The following PDE4D variants were observed in gnomAD, a reference collection of about 807,000 sequenced individuals.
PDE4D encodes the protein 3',5'-cyclic-AMP phosphodiesterase 4D.
A neutral mutation model predicts 87.4 loss-of-function variants in PDE4D; 24 were observed. The observed-to-expected ratio is 0.27, with a 90% confidence interval of 0.20 to 0.39. PDE4D has a LOEUF of 0.39. Ranked by LOEUF, PDE4D falls within the 10% of genes least tolerant of loss-of-function variation. The pLI is 1.00. For missense variants in PDE4D, 714 were observed against 1,041.0 expected, an observed-to-expected ratio of 0.69 and a Z score of 4.32; for synonymous variants, 384 against 383.2, an observed-to-expected ratio of 1.00 and a Z score of -0.02.
At chr5:60,409,761 A>G (rs982150519) in intron 1 of PDE4D, among the ~76,000 whole-genome samples, 12 of 152,236 alleles carry the variant, frequency 7.9e-5, no homozygotes, top group Non-Finnish European at 1.3e-4. Context: ...AAATGTCTGT[A>G]TTGCTTTTCA....
Position 59,893,690 on chromosome 5 carries a change from A to ATGC in PDE4D, c.-71_-69dup, listed in dbSNP as rs541220903. 6.4e-5 allele frequency: 89 copies of ATGC among 1,387,884 alleles called. 1 individual carries two copies. The South Asian group carries it at 6.5e-4, about 10-fold the overall frequency. The allele number at this position is 1,387,884 out of a possible 1,614,324, so 86.0% of individuals were successfully genotyped here. On this transcript the variant is annotated 5_prime_UTR_variant, in exon 1 of 15. Coordinates refer to ENST00000340635, the MANE Select transcript of PDE4D (RefSeq NM_001104631.2). The stretch of plus-strand genomic sequence containing the variant: ...CCGCGCTGGCCCGAGCGCCTTCCTG[A>ATGC]TGCTGCTGCTGCTGCTGCCGCCGCC...
At chr5:59,300,076 C>T (rs1192233693) in intron 1 of PDE4D, among the ~76,000 whole-genome samples, 1 of 133,008 alleles carries the variant, frequency 7.5e-6, no homozygotes, top group East Asian at 2.1e-4. Context: ...CACACCACTG[C>T]ACTCCAGCCT....
intron 1 of PDE4D, among the ~76,000 whole-genome samples, chr5:59,780,910 T>C (rs55850390): frequency 0.053 from 8,008 of 152,196 alleles, 745 homozygotes; most frequent in African/African-American, 0.18. Flanking sequence ...CTCATGCCTG[T>C]AATCCCAGCA....
At chr5:59,615,128 C>G (rs1396761338) in intron 1 of PDE4D, among the ~76,000 whole-genome samples, 1 of 152,158 alleles carries the variant, frequency 6.6e-6, no homozygotes, top group Non-Finnish European at 1.5e-5. Context: ...CCACGCCTGG[C>G]TGGGATATTT....
At chr5:60,082,433 T>A (rs2152904563) in intron 2 of PDE4D, among the ~76,000 whole-genome samples, 2 of 152,288 alleles carry the variant, frequency 1.3e-5, no homozygotes, top group East Asian at 3.9e-4. Flanking sequence ...AAATGTTTGT[T>A]GCTTAAGCCA....
intron 2 of PDE4D, among the ~76,000 whole-genome samples, chr5:60,010,539 T>C (rs1289378617): frequency 6.6e-6 from 1 of 152,128 alleles, no homozygotes; most frequent in Middle Eastern, 3.2e-3. Flanking sequence ...GGGTGGTATG[T>C]GGTACTGCAC....
rs976905632 is a variant in PDE4D at position 59,039,140 on chromosome 5, G to A, written c.809-169C>T. ...AGCCCGGCAGTGCAACGGGGGCGGAGGCTGTGCTCGCGGGGCGGCCGGCCT... is the reference window on the plus strand; with the variant it reads ...AGCCCGGCAGTGCAACGGGGGCGGAAGCTGTGCTCGCGGGGCGGCCGGCCT... On this transcript the variant is annotated intron_variant, in intron 5 of 14. Transcript: ENST00000340635. The A allele has an allele frequency of 1.0e-5, 14 of 1,361,434 alleles. No homozygotes were observed. In the African/African-American group the frequency reaches 2.1e-4, roughly 21 times the overall value. 84.3% of individuals were successfully genotyped at this position (1,361,434 alleles called of 1,614,324 possible).
chr5:59,708,672 C>T (rs943121287), intron 1 of PDE4D, among the ~76,000 whole-genome samples: 1 of 152,082 alleles, frequency 6.6e-6, no homozygotes, highest in Admixed American at 6.6e-5. Context: ...TGTACCTTAT[C>T]CTCTTTCAAT....
At chr5:59,337,091 G>A (rs1777795628) in intron 1 of PDE4D, among the ~76,000 whole-genome samples, 2 of 152,284 alleles carry the variant, frequency 1.3e-5, no homozygotes, top group East Asian at 1.9e-4. Context: ...ATGAGGAAAA[G>A]TGTGTGGAGA....
chr5:59,394,906 T>G (rs2547920), intron 1 of PDE4D, among the ~76,000 whole-genome samples: 2 of 151,880 alleles, frequency 1.3e-5, no homozygotes, highest in African/African-American at 4.8e-5. Flanking sequence ...GGGCGAGGCA[T>G]TGCCTCACTC....
At chr5:59,144,462 C>T (rs772711306) in intron 5 of PDE4D, among the ~76,000 whole-genome samples, 5 of 151,970 alleles carry the variant, frequency 3.3e-5, no homozygotes, top group East Asian at 1.9e-4. Context: ...AAAGGGTAAA[C>T]GTATGTCTCC....
intron 1 of PDE4D, among the ~76,000 whole-genome samples, chr5:59,532,561 C>T (rs772419005): frequency 7.2e-5 from 11 of 152,156 alleles, no homozygotes; most frequent in Non-Finnish European, 1.6e-4. Flanking sequence ...TCAATGTGAT[C>T]TGCACTGAAG....
At chr5:59,287,059 TC>T (rs1490866318) in intron 1 of PDE4D, among the ~76,000 whole-genome samples, 2 of 152,086 alleles carry the variant, frequency 1.3e-5, no homozygotes, top group Admixed American at 1.3e-4. Context: ...GAACCAAAAA[TC>T]AGCTTAGGTA....
intron 1 of PDE4D, among the ~76,000 whole-genome samples, chr5:60,255,409 C>T (rs1301726322): frequency 9.2e-5 from 14 of 151,824 alleles, no homozygotes; most frequent in Admixed American, 9.2e-4. Flanking sequence ...CAAGGAATCC[C>T]TCTTTTATAT....
intron 1 of PDE4D, among the ~76,000 whole-genome samples, chr5:59,430,947 G>A (rs971375432): frequency 6.6e-6 from 1 of 152,130 alleles, no homozygotes; most frequent in African/African-American, 2.4e-5. Context: ...TGGGTATATG[G>A]AAATGTTATG....
At chr5:59,553,385 A>C (rs1364046438) in intron 1 of PDE4D, among the ~76,000 whole-genome samples, 1 of 152,138 alleles carries the variant, frequency 6.6e-6, no homozygotes, top group Non-Finnish European at 1.5e-5. Flanking sequence ...TGGGGTCTCC[A>C]TGCCAACAGT....
chr5:60,305,048 C>CAT (rs1346062476), intron 1 of PDE4D, among the ~76,000 whole-genome samples: 2 of 137,560 alleles, frequency 1.5e-5, no homozygotes, highest in African/African-American at 4.9e-5. Context: ...TACACACACA[C>CAT]ACACACACAC....
At chr5:59,554,145 G>A (rs1044052377) in intron 1 of PDE4D, among the ~76,000 whole-genome samples, 1 of 152,130 alleles carries the variant, frequency 6.6e-6, no homozygotes, top group African/African-American at 2.4e-5. Flanking sequence ...ATAGAGTTAG[G>A]AAGACACAAT....
At chr5:59,887,025 G>T (rs1750261265) in intron 1 of PDE4D, among the ~76,000 whole-genome samples, 1 of 151,976 alleles carries the variant, frequency 6.6e-6, no homozygotes, top group Admixed American at 6.6e-5. Context: ...CTGGAACTAG[G>T]GAAGTGGCAA....
Sources: allele counts gnomAD v4.1 joint callset (sites outside exome capture counted in the v4.1 genomes callset), GRCh38; gene constraint gnomAD v4.1.1; transcripts MANE v1.5; gene names NCBI Gene and HGNC (gene_info 2026-07-23, HGNC 2026-07-21).